SHLD1: variants seen among roughly 807,000 people sequenced by gnomAD.
SHLD1 encodes the protein RINN1-REV7-interacting novel NHEJ regulator 3.
In SHLD1, 3 loss-of-function variants were observed where a neutral mutation model predicts 5.5. That is an observed-to-expected ratio of 0.54 (90% CI 0.25 to 1.40). The LOEUF (loss-of-function observed/expected upper bound fraction) is 1.40. Among genes scored for constraint, SHLD1 ranks in the 40% most tolerant of loss-of-function variants. The probability of loss-of-function intolerance (pLI) is 0.15; values close to 1 mark genes in which losing one functional copy is unlikely to be tolerated. For synonymous variants in SHLD1, 92 were observed against 94.3 expected, an observed-to-expected ratio of 0.98 and a Z score of 0.14; for missense variants, 210 against 244.4, an observed-to-expected ratio of 0.86 and a Z score of 0.94.
At chr20:5,826,892 G>A (rs1333290098) in intron 2 of SHLD1, among the ~76,000 whole-genome samples, 1 of 151,084 alleles carries the variant, frequency 6.6e-6, no homozygotes, top group East Asian at 2.0e-4. Context: ...GTCTGTCATC[G>A]CCCCTCCCTC....
intron 2 of SHLD1, among the ~76,000 whole-genome samples, chr20:5,856,469 G>A (rs75369538): frequency 0.04 from 6,126 of 152,088 alleles, 173 homozygotes; most frequent in Middle Eastern, 0.099. Context: ...CAGTAGTGAG[G>A]GGGTAGAAGA....
At chr20:5,801,673 C>T (rs1307131371) in intron 2 of SHLD1, among the ~76,000 whole-genome samples, 1 of 152,078 alleles carries the variant, frequency 6.6e-6, no homozygotes, top group Non-Finnish European at 1.5e-5. Flanking sequence ...GGGCAGGGCT[C>T]CTCTGGAAGA....
chr20:5,843,525 C>T (rs1038861416), intron 2 of SHLD1, among the ~76,000 whole-genome samples: 2 of 152,052 alleles, frequency 1.3e-5, no homozygotes, highest in Non-Finnish European at 2.9e-5. Flanking sequence ...GCACCCCCAC[C>T]TTGCCATGGC....
chr20:5,777,609 T>G (rs954274675), intron 2 of SHLD1, among the ~76,000 whole-genome samples: 2 of 151,570 alleles, frequency 1.3e-5, no homozygotes, highest in Admixed American at 6.6e-5. Context: ...TTATTTTTTT[T>G]TTTTGTTTAG....
chr20:5,832,302 A>G (rs1180684446), intron 2 of SHLD1, among the ~76,000 whole-genome samples: 1 of 152,192 alleles, frequency 6.6e-6, no homozygotes, highest in Non-Finnish European at 1.5e-5. Context: ...CACATTGTTA[A>G]AAGCTCCTCG....
intron 2 of SHLD1, among the ~76,000 whole-genome samples, chr20:5,813,119 A>C (rs943161919): frequency 5.9e-5 from 9 of 151,518 alleles, no homozygotes; most frequent in Admixed American, 2.0e-4. Flanking sequence ...CAAGTGATCC[A>C]CTCGCCTCGA....
rs11479196 is a variant in SHLD1 at position 5,836,095 on chromosome 20, G to GTT, written c.179-26918_179-26917dup. 6.7e-4 allele frequency among the ~76,000 whole-genome samples: 96 copies of GTT among 143,300 alleles called. 1 individual carries two copies. The highest frequency in any genetic ancestry group is 2.2e-3 in the African/African-American group (87 of 39,036). The allele number at this position is 143,300 out of a possible 152,430, so 94.0% of individuals were successfully genotyped here. A position where few individuals can be genotyped will look rare whatever the true frequency, so the allele number is the denominator to read the frequency against. Reference sequence around the variant, plus strand: ...TTTCTCGTTGCCTTGACAACTGGTTGTTTTTTTTTTTTAAGCTTTTGATTT... The same window carrying GTT: ...TTTCTCGTTGCCTTGACAACTGGTTGTTTTTTTTTTTTTTAAGCTTTTGATTT... On this transcript the variant is annotated intron_variant, in intron 2 of 2. Coordinates refer to ENST00000303142, the MANE Select transcript of SHLD1 (RefSeq NM_152504.4).
chr20:5,857,158 T>A (rs891352859), intron 2 of SHLD1, among the ~76,000 whole-genome samples: 14 of 152,160 alleles, frequency 9.2e-5, no homozygotes, highest in Admixed American at 2.6e-4. Context: ...GTGTTTTTAG[T>A]AGAGACGGGG....
chr20:5,813,402 A>G (rs1035780320), intron 2 of SHLD1, among the ~76,000 whole-genome samples: 3 of 152,142 alleles, frequency 2.0e-5, no homozygotes, highest in African/African-American at 7.2e-5. Flanking sequence ...AGGCAGGAGA[A>G]TTGTTTGAAC....
At chr20:5,849,731 G>A (rs182910263) in intron 2 of SHLD1, among the ~76,000 whole-genome samples, 5,724 of 150,232 alleles carry the variant, frequency 0.038, 150 homozygotes, top group Middle Eastern at 0.065. Context: ...AGGCCGAGGC[G>A]GGTGGATCAT....
chr20:5,827,051 T>C (rs2087674564), intron 2 of SHLD1, among the ~76,000 whole-genome samples: 1 of 152,130 alleles, frequency 6.6e-6, no homozygotes, highest in Admixed American at 6.5e-5. Flanking sequence ...GCTCAAGTCC[T>C]GGTGGAGAAG....
At chr20:5,821,764 C>T (rs894655254) in intron 2 of SHLD1, among the ~76,000 whole-genome samples, 24 of 152,238 alleles carry the variant, frequency 1.6e-4, no homozygotes, top group Non-Finnish European at 2.8e-4. Context: ...AGACTGCCAC[C>T]GGATGCTTGG....
intron 2 of SHLD1, among the ~76,000 whole-genome samples, chr20:5,813,099 C>A (rs73079293): frequency 0.18 from 27,887 of 151,814 alleles, 2,951 homozygotes; most frequent in South Asian, 0.24. Context: ...TGCTCTAGAA[C>A]TTCTGGGCTC....
At chr20:5,799,866 G>A (rs1205580963) in intron 2 of SHLD1, among the ~76,000 whole-genome samples, 2 of 152,286 alleles carry the variant, frequency 1.3e-5, no homozygotes, top group East Asian at 1.9e-4. Context: ...GGAATGATTT[G>A]TCTTGGACCC....
At chr20:5,778,180 G>A (rs1457562005) in intron 2 of SHLD1, among the ~76,000 whole-genome samples, 10 of 147,236 alleles carry the variant, frequency 6.8e-5, no homozygotes, top group Admixed American at 1.4e-4. Context: ...GCAGTGGCGC[G>A]ATCTCGGCTC....
intron 2 of SHLD1, among the ~76,000 whole-genome samples, chr20:5,846,057 A>G (rs969791189): frequency 1.3e-5 from 2 of 152,242 alleles, no homozygotes; most frequent in Non-Finnish European, 2.9e-5. Context: ...TGGCATATGG[A>G]AAAACGCCAG....
chr20:5,801,747 A>G (rs1248414790), intron 2 of SHLD1, among the ~76,000 whole-genome samples: 1 of 152,170 alleles, frequency 6.6e-6, no homozygotes, highest in Non-Finnish European at 1.5e-5. Flanking sequence ...AGAGTAATTT[A>G]TTAGAGTACT....
chr20:5,858,276 A>G (rs531503782), intron 2 of SHLD1, among the ~76,000 whole-genome samples: 1 of 152,260 alleles, frequency 6.6e-6, no homozygotes, highest in South Asian at 2.1e-4. Flanking sequence ...TATCAAATCT[A>G]TTTAGTAGAA....
chr20:5,774,913 T>TC (rs1985358346), intron 2 of SHLD1, among the ~76,000 whole-genome samples: 1 of 152,192 alleles, frequency 6.6e-6, no homozygotes, highest in African/African-American at 2.4e-5. Flanking sequence ...TTCCCTTTTT[T>TC]CCCTGCCATC....
Sources: gnomAD v4.1 joint callset for allele counts (sites outside exome capture counted in the v4.1 genomes callset) on GRCh38, gnomAD v4.1.1 for gene constraint, MANE v1.5 for transcripts, NCBI Gene and HGNC (gene_info 2026-07-23, HGNC 2026-07-21) for gene names.